PPP1R13L: variants seen among roughly 807,000 people sequenced by gnomAD.
PPP1R13L encodes the protein relA-associated inhibitor.
In PPP1R13L, 50 loss-of-function variants were observed where a neutral mutation model predicts 80.9. The observed-to-expected ratio is 0.62, with a 90% CI of 0.49 to 0.78. PPP1R13L has a LOEUF of 0.78. PPP1R13L is among the 30% of genes least tolerant of loss of function. The pLI, the probability that PPP1R13L is intolerant of heterozygous loss-of-function variation, is 0.00. For synonymous variants in PPP1R13L, 602 were observed against 534.3 expected (o/e 1.13, Z -1.75); for missense variants, 1,200 against 1,205.9 (o/e 1.00, Z 0.07).
rs535787836 is a variant in PPP1R13L at position 45,379,871 on chromosome 19, G to A, written c.*319C>T. The A allele has an allele frequency of 1.6e-4, 40 of 255,430 alleles. No homozygotes were observed. The highest frequency in any genetic ancestry group is 8.8e-4 in the African/African-American group (39 of 44,534). The allele number at this position is 255,430 out of a possible 1,614,324, so 15.8% of individuals were successfully genotyped here. On this transcript the variant is annotated 3_prime_UTR_variant, in exon 13 of 13. Coordinates refer to ENST00000360957, the MANE Select transcript of PPP1R13L (RefSeq NM_006663.4). ...CCCAGGCCCGGCTGGGCAGGTGGCT[G>A]GCTTGCTGGGGGATGTGATGATGGT...
rs1475301088 is a variant in PPP1R13L at position 45,395,832 on chromosome 19, T to G, written c.958A>C (p.Ser320Arg). The G allele has an allele frequency of 6.3e-7, 1 of 1,596,522 alleles. No homozygotes were observed. Among genetic ancestry groups the G allele is most frequent in the Non-Finnish European group, 8.5e-7 (1 of 1,173,454 alleles). The change falls in exon 7 of 13, where the codon AGC (serine) becomes CGC (arginine). Residue 320 changes from serine to arginine, a missense_variant. Physicochemically the swap from Ser to Arg is moderately radical, Grantham distance 110 (BLOSUM62 -1). Transcript: ENST00000360957. The stretch of plus-strand genomic sequence containing the variant: ...CTGCCCGCGTCTGAACGCCGGTCGC[T>G]GGCCAGAGGAGAGACCTTGTAATTG... ...PRNYKVSPLASDRRSDAGSYR... is the reference protein window; with the variant it reads ...PRNYKVSPLARDRRSDAGSYR...
chr19:45,392,516 C>A, intron 7 of PPP1R13L, 176 bp from the exon 8 acceptor site: 2 of 731,214 alleles, frequency 2.7e-6, no homozygotes, highest in Non-Finnish European at 4.8e-6. Context: ...AATTATGATG[C>A]CTCCCATTTA....
At position 45,392,318 on chromosome 19, in the gene PPP1R13L, C is replaced by T; in HGVS notation, c.1377G>A (p.Glu459=). 3.7e-6 allele frequency: 6 copies of T among 1,613,466 alleles called. No individual in the cohort carries two copies. The highest frequency in any genetic ancestry group is 5.1e-6 in the Non-Finnish European group (6 of 1,180,008). The change falls in exon 8 of 13, where the codon GAG becomes GAA. Residue 459 remains glutamate, a synonymous_variant. Coordinates refer to ENST00000360957, the MANE Select transcript of PPP1R13L (RefSeq NM_006663.4). ...CCTCTATCTCCGGCTCAGGCTCCAG[C>T]TCGGTGGGGGGTTTGGGGGGTCCTA... The part of the protein sequence containing the change: ...VNEGPPKPPT[E]LEPEPEIEGL...
chr19:45,385,663 C>T lies in PPP1R13L; in HGVS notation c.2147G>A (p.Gly716Asp). The change falls in exon 11 of 13, where the codon GGC becomes GAC. Residue 716 changes from glycine to aspartate, a missense_variant. Physicochemically the swap from Gly to Asp is moderately conservative, Grantham distance 94 (BLOSUM62 -1). Coordinates refer to ENST00000360957, the MANE Select transcript of PPP1R13L (RefSeq NM_006663.4). The part of the protein sequence containing the change: ...TVICMALVQH[G>D]AAIFATTLSD... ...GAGCGTGGTGGCGAAGATTGCAGCG[C>T]CGTGCTGCACCAGCGCCATGCAGAT... 1 of 1,613,140 alleles carries T rather than the reference C, an allele frequency of 6.2e-7. No individual in the cohort carries two copies. The highest frequency in any genetic ancestry group is 8.5e-7 in the Non-Finnish European group (1 of 1,179,868).
At chr19:45,391,125 G>A (rs750685966) in intron 8 of PPP1R13L, among the ~76,000 whole-genome samples, 1 of 151,970 alleles carries the variant, frequency 6.6e-6, no homozygotes, top group Non-Finnish European at 1.5e-5. Flanking sequence ...TTGAACCTGG[G>A]AGGCGGAGGT....
rs78533441 is a variant in PPP1R13L, at chr19:45,400,327, C to T, written c.-21-1988G>A. On this transcript the variant is annotated intron_variant, in intron 1 of 12. Transcript: ENST00000360957. Reference sequence around the variant, plus strand: ...GGGAGGGAGCTAGGCCACTAGGAACCGGTCAGGCCAGCACCATCCCTATCC... The same window carrying T: ...GGGAGGGAGCTAGGCCACTAGGAACTGGTCAGGCCAGCACCATCCCTATCC... Among the ~76,000 whole-genome samples, 11 of 152,016 alleles carry T rather than the reference C, an allele frequency of 7.2e-5. No individual in the cohort carries two copies. The East Asian group carries it at 1.2e-3, about 16-fold the overall frequency.
Position 45,380,051 on chromosome 19 carries a change from A to G in PPP1R13L, c.*139T>C, listed in dbSNP as rs866437721. The G allele has an allele frequency of 4.0e-5, 37 of 924,230 alleles. No homozygotes were observed. The South Asian group carries it at 4.8e-4, about 12-fold the overall frequency. 57.3% of individuals were successfully genotyped at this position (924,230 alleles called of 1,614,324 possible). Reference sequence around the variant, plus strand: ...CCTCCTTCTTCCCTGGACTTCCAGGAGAACAGAGAACCGGTGGCAAGGACC... The same window carrying G: ...CCTCCTTCTTCCCTGGACTTCCAGGGGAACAGAGAACCGGTGGCAAGGACC... On this transcript the variant is annotated 3_prime_UTR_variant, in exon 13 of 13. Transcript: ENST00000360957.
In PPP1R13L at chr19:45,385,916, G is replaced by C. The variant is rs761875282; in HGVS notation, c.1989C>G (p.Ala663=). The C allele has an allele frequency of 1.2e-6, 2 of 1,612,356 alleles. No individual in the cohort carries two copies. The highest frequency in any genetic ancestry group is 2.2e-5 in the East Asian group (1 of 44,828). Residue 663 remains alanine, a synonymous_variant, in exon 10 of 13, where the codon GCC becomes GCG. Transcript: ENST00000360957. ...TGGCGCCGCAGATGGCGTTGTGCAA[G>C]GCAGTGATGCCCTCCTCGTTGGGCT... ...PSQPNEEGIT[A]LHNAICGANY... is the part of the protein sequence containing the mutation.
At chr19:45,385,435 C>T in intron 11 of PPP1R13L, 127 bp downstream of exon 11, 1 of 1,182,988 alleles carries the variant, frequency 8.5e-7, no homozygotes, top group Non-Finnish European at 1.2e-6. Flanking sequence ...CATCCTCCTC[C>T]TCGGCAATCC....
At chr19:45,384,098 G>A in intron 11 of PPP1R13L, among the ~76,000 whole-genome samples, 1 of 149,256 alleles carries the variant, frequency 6.7e-6, no homozygotes, top group East Asian at 1.9e-4. Context: ...TTTTTTTTCA[G>A]ACAAGGTCTC....
At chr19:45,381,459 C>T (rs1455975407) in intron 12 of PPP1R13L, among the ~76,000 whole-genome samples, 3 of 152,086 alleles carry the variant, frequency 2.0e-5, no homozygotes, top group Non-Finnish European at 1.5e-5. Flanking sequence ...CTGTAACCCA[C>T]CCACCATCAT....
At chr19:45,401,924 A>G (rs1341648460) in intron 1 of PPP1R13L, 3 of 151,842 alleles carry the variant, frequency 2.0e-5, no homozygotes, top group Non-Finnish European at 2.9e-5. Context: ...ACACAATGAG[A>G]CCCCATTTCT....
Position 45,391,933 on chromosome 19 carries a change from T to C in PPP1R13L, c.1762A>G (p.Ile588Val). ...GPPAPAPPAP[I>V]PPPAPSQSSP... is the part of the protein sequence containing the mutation. ...CTCTGGGACGGGGCCGGGGGTGGAA[T>C]GGGAGCTGGTGGGGCAGGAGCAGGG... The change falls in exon 8 of 13, where the codon ATT (isoleucine) becomes GTT (valine). Residue 588 changes from isoleucine (I) to valine (V), a missense_variant. By Grantham distance (29) the Ile-to-Val change is conservative. Transcript: ENST00000360957. 2.7e-6 allele frequency: 4 copies of C among 1,502,368 alleles called. No homozygotes were observed. Among genetic ancestry groups the C allele is most frequent in the Non-Finnish European group, 3.5e-6 (4 of 1,128,106 alleles). The allele number at this position is 1,502,368 out of a possible 1,614,324, so 93.1% of individuals were successfully genotyped here.
At chr19:45,395,942 G>A (rs1973080274) in intron 6 of PPP1R13L, 56 bp from the exon 7 acceptor site, 1 of 1,456,738 alleles carries the variant, frequency 6.9e-7, no homozygotes. Flanking sequence ...GTGGAGGGGA[G>A]GTAAAGACAA....
intron 1 of PPP1R13L, among the ~76,000 whole-genome samples, chr19:45,404,017 G>A (rs1268567100): frequency 1.3e-5 from 2 of 152,046 alleles, no homozygotes; most frequent in African/African-American, 4.8e-5. Flanking sequence ...TCAGGGTCAG[G>A]GCAAGGAGCC....
At chr19:45,403,945 C>A (rs1973278319) in intron 1 of PPP1R13L, among the ~76,000 whole-genome samples, 1 of 152,114 alleles carries the variant, frequency 6.6e-6, no homozygotes, top group South Asian at 2.1e-4. Context: ...GCCTCTGTCC[C>A]TCCCTTATCT....
rs200170726 is a variant in PPP1R13L at position 45,382,609 on chromosome 19, C to G, written c.2366G>C (p.Arg789Pro). ...GTCGGTCTCCTCCGGCCCGTCCCTCCGCAGCACGGTGACCGACTCGCCCTC... is the reference window on the plus strand; with the variant it reads ...GTCGGTCTCCTCCGGCCCGTCCCTCGGCAGCACGGTGACCGACTCGCCCTC... ...FREGESVTVLRRDGPEETDWW... is the reference protein window; with the variant it reads ...FREGESVTVLPRDGPEETDWW... Residue 789 changes from arginine (R) to proline (P), a missense_variant, in exon 12 of 13, where the codon CGG (arginine) becomes CCG (proline). Arg to Pro is a moderately radical substitution (Grantham distance 103). Around this residue, in one of 5 missense-constraint regions of PPP1R13L, gnomAD observed 165 missense variants for 177.1 expected, o/e 0.93. Coordinates refer to ENST00000360957, the MANE Select transcript of PPP1R13L (RefSeq NM_006663.4). 1.2e-6 allele frequency: 2 copies of G among 1,613,708 alleles called. No individual in the cohort carries two copies. Among genetic ancestry groups the G allele is most frequent in the African/African-American group, 1.3e-5 (1 of 75,076 alleles).
rs1973100376 is a variant in PPP1R13L at position 45,396,593 on chromosome 19, G to A, written c.664C>T (p.Leu222=). Reference sequence around the variant, plus strand: ...AATGCGCTGCCGCCGGAGCCTAGCAGGGAGCTCCCGAAGGCGGACGCTGGC... The same window carrying A: ...AATGCGCTGCCGCCGGAGCCTAGCAAGGAGCTCCCGAAGGCGGACGCTGGC... ...DAPASAFGSS[L]LGSGGSAFAP... The change falls in exon 4 of 13, where the codon CTG becomes TTG. Residue 222 remains leucine (L), a synonymous_variant. Transcript: ENST00000360957. The surrounding 1 kb of genome is among the most constrained non-coding windows in gnomAD (Gnocchi z 5.3). The A allele has an allele frequency of 2.7e-6, 4 of 1,498,800 alleles. No individual in the cohort carries two copies. Among genetic ancestry groups the A allele is most frequent in the African/African-American group, 2.8e-5 (2 of 71,562 alleles). The allele number at this position is 1,498,800 out of a possible 1,614,324, so 92.8% of individuals were successfully genotyped here. A position where few individuals can be genotyped will look rare whatever the true frequency, so the allele number is the denominator to read the frequency against.
At chr19:45,395,316 G>A (rs1200216540) in intron 7 of PPP1R13L, 120 bp downstream of exon 7, 2 of 1,349,184 alleles carry the variant, frequency 1.5e-6, no homozygotes, top group Non-Finnish European at 2.0e-6. Flanking sequence ...GCTCTCTGCA[G>A]GGACAGTGCT....
Sources: allele counts gnomAD v4.1 joint callset (sites outside exome capture counted in the v4.1 genomes callset), GRCh38; gene constraint gnomAD v4.1.1; regional missense constraint gnomAD v4.1.1; non-coding constraint Gnocchi (gnomAD v3.1); transcripts MANE v1.5; gene names NCBI Gene and HGNC (gene_info 2026-07-23, HGNC 2026-07-21).